Variants in CSMD1 observed in about 807,000 individuals in gnomAD.
The protein encoded by CSMD1 is CUB and Sushi multiple domains 1.
CSMD1 carries 213 observed loss-of-function variants against 417.5 expected under a neutral mutation model. The ratio of observed to expected loss-of-function variants is 0.51; its 90% CI spans 0.46 to 0.57. CSMD1 has a LOEUF of 0.57. Among genes scored for constraint, CSMD1 ranks in the 20% least tolerant of loss-of-function variants. The pLI is 0.00. For synonymous variants in CSMD1, 2,862 were observed against 1,736.8 expected, an observed-to-expected ratio of 1.65 and a Z score of -16.11; for missense variants, 6,923 against 4,529.7, an observed-to-expected ratio of 1.53 and a Z score of -15.17.
chr8:4,203,030 T>C (rs779535203), intron 3 of CSMD1, among the ~76,000 whole-genome samples: 9 of 152,192 alleles, frequency 5.9e-5, no homozygotes, highest in Non-Finnish European at 4.4e-5. Flanking sequence ...TTTCCTTACC[T>C]GCTGAGAGGA....
At chr8:4,298,168 A>C (rs145292088) in intron 3 of CSMD1, among the ~76,000 whole-genome samples, 4 of 152,190 alleles carry the variant, frequency 2.6e-5, no homozygotes, top group Admixed American at 2.6e-4. Flanking sequence ...TTAGAAAAAC[A>C]TAATTTTGAG....
At chr8:4,742,204 G>A (rs546679020) in intron 1 of CSMD1, among the ~76,000 whole-genome samples, 22 of 150,374 alleles carry the variant, frequency 1.5e-4, no homozygotes, top group Non-Finnish European at 2.8e-4. Flanking sequence ...CTAATTTTTT[G>A]TATTTTTAGT....
intron 23 of CSMD1, among the ~76,000 whole-genome samples, chr8:3,325,375 T>C (rs1806458653): frequency 6.6e-6 from 1 of 152,266 alleles, no homozygotes; most frequent in Non-Finnish European, 1.5e-5. Context: ...ATACCATCTG[T>C]TGGCCTTCAT....
intron 12 of CSMD1, among the ~76,000 whole-genome samples, chr8:3,441,015 G>C (rs1006089283): frequency 6.6e-6 from 1 of 152,172 alleles, no homozygotes; most frequent in Non-Finnish European, 1.5e-5. Flanking sequence ...CCTGGATTAT[G>C]TTGGTGTCCC....
intron 5 of CSMD1, among the ~76,000 whole-genome samples, chr8:3,879,564 A>T (rs1026305088): frequency 3.3e-5 from 5 of 152,140 alleles, no homozygotes; most frequent in Middle Eastern, 3.2e-3. Flanking sequence ...TTCTCTATTG[A>T]TATTACCTTA....
rs572363807 is a variant in CSMD1 at position 4,034,834 on chromosome 8, T to C, written c.416-2735A>G. The stretch of plus-strand genomic sequence containing the variant: ...GGCACACATTTTCCAACAGAAGGTG[T>C]CCAGATAATTGTTCCCCAAAGACAC... On this transcript the variant is annotated intron_variant, in intron 3 of 69. Transcript: ENST00000635120. 4.6e-5 allele frequency among the ~76,000 whole-genome samples: 7 copies of C among 152,262 alleles called. No individual in the cohort carries two copies. In the South Asian group the frequency reaches 6.2e-4, roughly 14 times the overall value.
intron 7 of CSMD1, among the ~76,000 whole-genome samples, chr8:3,674,336 C>G (rs1799255418): frequency 6.6e-6 from 1 of 152,038 alleles, no homozygotes; most frequent in South Asian, 2.1e-4. Flanking sequence ...GTAAAATATC[C>G]TATAATCTGA....
In CSMD1 at chr8:4,452,397, G is replaced by T. The variant is rs138609775; in HGVS notation, c.303-32332C>A. Among the ~76,000 whole-genome samples the T allele has an allele frequency of 1.7e-3, 253 of 152,308 alleles. 3 individuals are homozygous for T. Among genetic ancestry groups the T allele is most frequent in the African/African-American group, 6.0e-3 (248 of 41,560 alleles). Reference sequence around the variant, plus strand: ...AAAGGCGTAGCCTCGAGGGCTTGGGGTTCAGAGGTTCATGTTCTTACACGG... The same window carrying T: ...AAAGGCGTAGCCTCGAGGGCTTGGGTTTCAGAGGTTCATGTTCTTACACGG... On this transcript the variant is annotated intron_variant, in intron 2 of 69. Coordinates refer to ENST00000635120, the MANE Select transcript of CSMD1 (RefSeq NM_033225.6).
At chr8:3,280,729 A>C (rs200335892) in intron 26 of CSMD1, among the ~76,000 whole-genome samples, 24 of 10,188 alleles carry the variant, frequency 2.4e-3, no homozygotes, top group African/African-American at 4.4e-3. Context: ...AAAAATAGTA[A>C]TTGTCATTTC....
intron 3 of CSMD1, among the ~76,000 whole-genome samples, chr8:4,337,904 C>A (rs893296750): frequency 6.6e-6 from 1 of 152,048 alleles, no homozygotes; most frequent in African/African-American, 2.4e-5. Flanking sequence ...CAAAATGACC[C>A]CATCACTGAA....
intron 5 of CSMD1, among the ~76,000 whole-genome samples, chr8:3,948,681 A>G (rs1585017091): frequency 3.9e-5 from 6 of 152,214 alleles, no homozygotes; most frequent in Admixed American, 3.3e-4. Flanking sequence ...AGGACCAATG[A>G]GTTCTATTCC....
At chr8:3,347,816 C>T (rs1437325021) in intron 22 of CSMD1, among the ~76,000 whole-genome samples, 176 bp downstream of exon 22, 1 of 152,164 alleles carries the variant, frequency 6.6e-6, no homozygotes, top group Non-Finnish European at 1.5e-5. Flanking sequence ...ACATACACTG[C>T]TCTAAGCGAA....
chr8:4,169,568 T>G (rs1797648704), intron 3 of CSMD1, among the ~76,000 whole-genome samples: 1 of 152,164 alleles, frequency 6.6e-6, no homozygotes. Context: ...TCTCATATTT[T>G]GCTCTTCTCA....
intron 3 of CSMD1, among the ~76,000 whole-genome samples, chr8:4,169,806 G>A (rs1257557148): frequency 6.6e-6 from 1 of 152,094 alleles, no homozygotes; most frequent in Non-Finnish European, 1.5e-5. Context: ...CCTTCCACCA[G>A]CAGCACTTTC....
chr8:4,093,729 G>A (rs1468036630), intron 3 of CSMD1, among the ~76,000 whole-genome samples: 2 of 152,146 alleles, frequency 1.3e-5, no homozygotes, highest in Non-Finnish European at 2.9e-5. Flanking sequence ...GGGAGGCTGA[G>A]GTGGAAAGAT....
intron 25 of CSMD1, among the ~76,000 whole-genome samples, chr8:3,288,468 A>T (rs923004692): frequency 6.8e-6 from 1 of 147,016 alleles, no homozygotes; most frequent in East Asian, 2.0e-4. Flanking sequence ...TTATTGCCTC[A>T]ATTTCAGACC....
At chr8:4,406,425 C>G (rs1359438721) in intron 3 of CSMD1, among the ~76,000 whole-genome samples, 2 of 152,124 alleles carry the variant, frequency 1.3e-5, no homozygotes, top group African/African-American at 2.4e-5. Flanking sequence ...AAATGATACC[C>G]CAAGAGCCAC....
chr8:4,159,697 T>C (rs1584931725), intron 3 of CSMD1, among the ~76,000 whole-genome samples: 1 of 152,144 alleles, frequency 6.6e-6, no homozygotes, highest in Non-Finnish European at 1.5e-5. Context: ...CACGCCATTC[T>C]CCTGCCTCAG....
chr8:3,140,149 C>G (rs1818347567), intron 41 of CSMD1, among the ~76,000 whole-genome samples: 1 of 152,150 alleles, frequency 6.6e-6, no homozygotes, highest in Non-Finnish European at 1.5e-5. Flanking sequence ...GGTGATCAGC[C>G]CGCCTCTGCA....
Sources: gnomAD v4.1 joint callset for allele counts (sites outside exome capture counted in the v4.1 genomes callset) on GRCh38, gnomAD v4.1.1 for gene constraint, MANE v1.5 for transcripts, NCBI Gene and HGNC (gene_info 2026-07-23, HGNC 2026-07-21) for gene names.